MICOS10: variants seen among roughly 807,000 people sequenced by gnomAD.
MICOS10 encodes mitochondrial contact site and cristae organizing system subunit 10, also known as MICOS complex subunit MIC10.
A neutral mutation model predicts 13.4 loss-of-function variants in MICOS10; 5 were observed. The ratio of observed to expected loss-of-function variants is 0.37; its 90% CI spans 0.20 to 0.78. The LOEUF is 0.78. Among genes scored for constraint, MICOS10 ranks in the 30% least tolerant of loss-of-function variants. The pLI is 0.47. For synonymous variants in MICOS10, 35 were observed against 33.6 expected (o/e 1.04, Z -0.15); for missense variants, 101 against 94.6 (o/e 1.07, Z -0.28).
At chr1:19,612,465 G>A (rs2094867307) in intron 1 of MICOS10, among the ~76,000 whole-genome samples, 2 of 151,446 alleles carry the variant, frequency 1.3e-5, no homozygotes, top group South Asian at 4.2e-4. Context: ...GATCATGTCT[G>A]TAATCCCAGC....
intron 1 of MICOS10, among the ~76,000 whole-genome samples, chr1:19,605,235 G>A (rs1439295664): frequency 6.6e-6 from 1 of 152,158 alleles, no homozygotes; most frequent in Non-Finnish European, 1.5e-5. Flanking sequence ...AAGGGTGTAG[G>A]AAGTTGTGGA....
At chr1:19,614,859 C>T (rs2792050) in intron 1 of MICOS10, among the ~76,000 whole-genome samples, 16,626 of 152,114 alleles carry the variant, frequency 0.11, 3,079 homozygotes, top group African/African-American at 0.38. Context: ...CTCCTGCTGT[C>T]CTCCTGGATG....
At chr1:19,616,064 G>A (rs921880021) in intron 1 of MICOS10, among the ~76,000 whole-genome samples, 7 of 151,988 alleles carry the variant, frequency 4.6e-5, no homozygotes, top group East Asian at 1.9e-4. Flanking sequence ...GACTACAGGC[G>A]CGTGCCACCG....
intron 1 of MICOS10, among the ~76,000 whole-genome samples, chr1:19,616,161 C>A (rs1243650413): frequency 6.6e-6 from 1 of 152,174 alleles, no homozygotes; most frequent in Non-Finnish European, 1.5e-5. Context: ...GGTGATCCGC[C>A]TGCCTCGGCC....
Position 19,626,451 on chromosome 1 carries a change from C to A in MICOS10, c.*50C>A, listed in dbSNP as rs570434212. 6.2e-6 allele frequency: 10 copies of A among 1,608,214 alleles called. 1 individual carries two copies. In the South Asian group the frequency reaches 1.1e-4, roughly 18 times the overall value. On this transcript the variant is annotated 3_prime_UTR_variant, in exon 4 of 4. Coordinates refer to ENST00000322753, the MANE Select transcript of MICOS10 (RefSeq NM_001032363.4). ...GAGGACAAGAGAAATCATGTTTATT[C>A]CTCAGGAATACTGAAGTGCCCTGGA...
intron 1 of MICOS10, among the ~76,000 whole-genome samples, chr1:19,612,781 T>C (rs776016294): frequency 6.6e-6 from 1 of 152,212 alleles, no homozygotes; most frequent in Non-Finnish European, 1.5e-5. Flanking sequence ...TAGCAGGCTC[T>C]CAGAAGGCCT....
Position 19,597,028 on chromosome 1 carries a change from G to A in MICOS10, c.-18G>A, listed in dbSNP as rs757464659. On this transcript the variant is annotated 5_prime_UTR_variant, in exon 1 of 4. Coordinates refer to ENST00000322753, the MANE Select transcript of MICOS10 (RefSeq NM_001032363.4). Reference sequence around the variant, plus strand: ...CGGGGGCCGGCCGAGAGGAAAGCTGGAGGCGCGGGTGGGGAACATGTCTGA... The same window carrying A: ...CGGGGGCCGGCCGAGAGGAAAGCTGAAGGCGCGGGTGGGGAACATGTCTGA... 2 of 1,576,620 alleles carry A rather than the reference G, an allele frequency of 1.3e-6. No homozygotes were observed. Among genetic ancestry groups the A allele is most frequent in the Non-Finnish European group, 1.7e-6 (2 of 1,165,150 alleles).
At position 19,622,007 on chromosome 1, in the gene MICOS10, C is replaced by A. The variant is rs146309371; in HGVS notation, c.65-93C>A. 2.6e-4 allele frequency: 235 copies of A among 897,538 alleles called. 2 individuals carry two copies. In the East Asian group the frequency reaches 6.2e-3, roughly 24 times the overall value. The allele number at this position is 897,538 out of a possible 1,614,324, so 55.6% of individuals were successfully genotyped here. A position where few individuals can be genotyped will look rare whatever the true frequency, so the allele number is the denominator to read the frequency against. On this transcript the variant is annotated intron_variant, in intron 1 of 3. Transcript: ENST00000322753. ...TCTCTACCAAATTATGAAAAAAAATCTGTTTAATGATGTTCACATTTAAGA... is the reference window on the plus strand; with the variant it reads ...TCTCTACCAAATTATGAAAAAAAATATGTTTAATGATGTTCACATTTAAGA...
intron 1 of MICOS10, among the ~76,000 whole-genome samples, chr1:19,601,576 CAAAAA>C (rs1264446193): frequency 1.1e-5 from 1 of 91,390 alleles, no homozygotes; most frequent in Non-Finnish European, 2.2e-5. Context: ...GACCCTTTCT[CAAAAA>C]AAAAAAAAAA....
chr1:19,625,255 T>C, intron 3 of MICOS10: 1 of 901,480 alleles, frequency 1.1e-6, no homozygotes, highest in Non-Finnish European at 1.5e-6. Context: ...ACTTGTCCAT[T>C]GTTCCACTGT....
chr1:19,609,975 C>T (rs1408979259), intron 1 of MICOS10, among the ~76,000 whole-genome samples: 1 of 152,090 alleles, frequency 6.6e-6, no homozygotes. Flanking sequence ...AACCCCGTCT[C>T]TACTAAAAAT....
chr1:19,621,502 G>C (rs930139255), intron 1 of MICOS10, among the ~76,000 whole-genome samples: 2 of 152,152 alleles, frequency 1.3e-5, no homozygotes, highest in Non-Finnish European at 2.9e-5. Flanking sequence ...TTGGAGTCTG[G>C]CAGACTTGAG....
intron 1 of MICOS10, among the ~76,000 whole-genome samples, chr1:19,620,687 C>T (rs1318792512): frequency 1.3e-5 from 2 of 152,102 alleles, no homozygotes; most frequent in Non-Finnish European, 2.9e-5. Context: ...GGTGGTTGGG[C>T]ATATATCTGA....
chr1:19,614,157 C>T (rs1222983145), intron 1 of MICOS10, among the ~76,000 whole-genome samples: 4 of 152,010 alleles, frequency 2.6e-5, no homozygotes, highest in Non-Finnish European at 5.9e-5. Context: ...CTCACTGCAA[C>T]CTCCGCCTCC....
chr1:19,621,072 A>C (rs994175742), intron 1 of MICOS10, among the ~76,000 whole-genome samples: 1 of 152,176 alleles, frequency 6.6e-6, no homozygotes, highest in African/African-American at 2.4e-5. Context: ...TTCTAGTACC[A>C]ATTTACTGTC....
chr1:19,605,361 AT>A (rs2094830802), intron 1 of MICOS10, among the ~76,000 whole-genome samples: 1 of 152,140 alleles, frequency 6.6e-6, no homozygotes, highest in Admixed American at 6.6e-5. Flanking sequence ...ATTTTAGAAT[AT>A]TTTTAGCTTC....
At position 19,611,469 on chromosome 1, in the gene MICOS10, A is replaced by ATTTTTTTTTTTTTTTTTTT. The variant is rs768118529; in HGVS notation, c.65-10627_65-10609dup. On this transcript the variant is annotated intron_variant, in intron 1 of 3. Coordinates refer to ENST00000322753, the MANE Select transcript of MICOS10 (RefSeq NM_001032363.4). ...TTCTCTTTATTCCAGTTGCAACTTG[A>ATTTTTTTTTTTTTTTTTTT]TTTTTTTTTTTTTTTTTTTTTTGAG... Among the ~76,000 whole-genome samples the ATTTTTTTTTTTTTTTTTTT allele has an allele frequency of 3.3e-5, 3 of 90,372 alleles. 1 individual carries two copies. The highest frequency in any genetic ancestry group is 1.6e-4 in the African/African-American group (3 of 19,306). 59.3% of individuals were successfully genotyped at this position (90,372 alleles called of 152,430 possible).
chr1:19,622,915 T>C (rs1232102635), intron 2 of MICOS10, among the ~76,000 whole-genome samples: 1 of 145,128 alleles, frequency 6.9e-6, no homozygotes. Context: ...TTTCATATTT[T>C]ACTACTTTTT....
chr1:19,604,873 G>C (rs58683664), intron 1 of MICOS10, among the ~76,000 whole-genome samples: 3 of 151,954 alleles, frequency 2.0e-5, no homozygotes, highest in African/African-American at 7.3e-5. Context: ...TGGACCAGGT[G>C]GGGGAGTGTG....
Sources: gnomAD v4.1 joint callset for allele counts (sites outside exome capture counted in the v4.1 genomes callset) on GRCh38, gnomAD v4.1.1 for gene constraint, MANE v1.5 for transcripts, NCBI Gene and HGNC (gene_info 2026-07-23, HGNC 2026-07-21) for gene names.